SV2C: variants seen among roughly 807,000 people sequenced by gnomAD.
SV2C encodes the protein solute carrier family 22 member B3.
A neutral mutation model predicts 79.7 loss-of-function variants in SV2C; 49 were observed. That is an observed-to-expected ratio of 0.61 (90% CI 0.49 to 0.78). The LOEUF is 0.78. SV2C is among the 30% of genes least tolerant of loss of function. The probability of loss-of-function intolerance (pLI) is 0.00; values close to 1 mark genes in which losing one functional copy is unlikely to be tolerated. For missense variants in SV2C, 833 were observed against 912.9 expected, an observed-to-expected ratio of 0.91 and a Z score of 1.13; for synonymous variants, 334 against 333.2, an observed-to-expected ratio of 1.00 and a Z score of -0.03.
At chr5:76,201,830 A>G (rs1744450098) in intron 3 of SV2C, among the ~76,000 whole-genome samples, 1 of 152,020 alleles carries the variant, frequency 6.6e-6, no homozygotes, top group Non-Finnish European at 1.5e-5. Flanking sequence ...CATCCTGGCT[A>G]ACATGGTGAA....
At chr5:76,171,509 A>G (rs1305962621) in intron 2 of SV2C, among the ~76,000 whole-genome samples, 3 of 106,798 alleles carry the variant, frequency 2.8e-5, no homozygotes, top group South Asian at 3.5e-4. Flanking sequence ...CCTGGCAACC[A>G]CCCCGTCTGA....
At chr5:76,092,481 G>A (rs943099591) in intron 1 of SV2C, among the ~76,000 whole-genome samples, 3 of 152,158 alleles carry the variant, frequency 2.0e-5, no homozygotes, top group African/African-American at 7.2e-5. Flanking sequence ...GAATGAAAAA[G>A]GAACATGGCT....
At chr5:75,899,730 C>T in the SV2C span, among the ~76,000 whole-genome samples, 2 of 152,060 alleles carry the variant, frequency 1.3e-5, no homozygotes, top group African/African-American at 4.8e-5. Flanking sequence ...TCAGGACTTG[C>T]TTTATGAATC....
At chr5:75,915,880 G>C in the SV2C span, among the ~76,000 whole-genome samples, 3 of 152,142 alleles carry the variant, frequency 2.0e-5, no homozygotes, top group East Asian at 5.8e-4. Flanking sequence ...GGGACATTCT[G>C]AGCAGGAGAA....
At chr5:75,874,868 G>A in the SV2C span, among the ~76,000 whole-genome samples, 37 of 152,144 alleles carry the variant, frequency 2.4e-4, no homozygotes, top group Non-Finnish European at 4.4e-4. Flanking sequence ...AAAGGTCTCT[G>A]CAATGGGAAT....
At chr5:76,055,817 G>A in the SV2C span, among the ~76,000 whole-genome samples, 12 of 152,142 alleles carry the variant, frequency 7.9e-5, no homozygotes, top group East Asian at 1.9e-3. Context: ...TTGGTGAATA[G>A]GAATGCTTGT....
Position 76,131,890 on chromosome 5 carries a change from G to T in SV2C, c.140G>T (p.Ser47Ile), listed in dbSNP as rs1276109362. ...AQDEYTQRSYSRFQDEEDDDD... is the reference protein window; with the variant it reads ...AQDEYTQRSYIRFQDEEDDDD... Reference sequence around the variant, plus strand: ...GATGAATACACCCAGAGGTCCTACAGTCGGTTCCAAGATGAAGAAGATGAT... The same window carrying T: ...GATGAATACACCCAGAGGTCCTACATTCGGTTCCAAGATGAAGAAGATGAT... The change falls in exon 2 of 13, where the codon AGT (serine) becomes ATT (isoleucine). Residue 47 changes from serine to isoleucine, a missense_variant. Transcript: ENST00000502798. The T allele has an allele frequency of 6.2e-7, 1 of 1,614,118 alleles. No individual in the cohort carries two copies. The highest frequency in any genetic ancestry group is 2.2e-5 in the East Asian group (1 of 44,862).
chr5:75,852,739 T>C, the SV2C span, among the ~76,000 whole-genome samples: 1 of 146,786 alleles, frequency 6.8e-6, no homozygotes, highest in Non-Finnish European at 1.5e-5. Context: ...AGCAGGAGAA[T>C]GGCGTGAACC....
the SV2C span, among the ~76,000 whole-genome samples, chr5:75,993,894 G>C: frequency 6.6e-6 from 1 of 152,004 alleles, no homozygotes; most frequent in Admixed American, 6.6e-5. Context: ...TGGGCCAATA[G>C]CCAGAAATTG....
chr5:76,292,183 C>T (rs761967532), intron 8 of SV2C, among the ~76,000 whole-genome samples: 19 of 152,138 alleles, frequency 1.2e-4, no homozygotes, highest in African/African-American at 1.7e-4. Flanking sequence ...CATTCTAGAA[C>T]AGTTCCCATC....
At chr5:76,347,313 C>T (rs1749563039) in intron 12 of SV2C, among the ~76,000 whole-genome samples, 1 of 152,204 alleles carries the variant, frequency 6.6e-6, no homozygotes, top group Non-Finnish European at 1.5e-5. Flanking sequence ...TGGAGAGGGA[C>T]TAGGCTGTGA....
At chr5:76,042,950 A>G in the SV2C span, among the ~76,000 whole-genome samples, 1 of 152,144 alleles carries the variant, frequency 6.6e-6, no homozygotes, top group African/African-American at 2.4e-5. Flanking sequence ...TTGAACCTAG[A>G]TGGACTTTGA....
rs905588653 is a variant in SV2C, at chr5:76,332,717, T to C, written c.*7170T>C. ...TATACCATGGAAAGCAACAAAGCCA[T>C]GGAAAGCAACAAAGCCATGCAAATC... On this transcript the variant is annotated 3_prime_UTR_variant, in exon 13 of 13. Transcript: ENST00000502798. 4 of 152,132 alleles carry C rather than the reference T, an allele frequency of 2.6e-5. No individual in the cohort carries two copies. The highest frequency in any genetic ancestry group is 2.6e-4 in the Admixed American group (4 of 15,268). 9.4% of individuals were successfully genotyped at this position (152,132 alleles called of 1,614,324 possible).
the SV2C span, among the ~76,000 whole-genome samples, chr5:75,901,124 G>T: frequency 2.0e-5 from 3 of 152,186 alleles, no homozygotes; most frequent in East Asian, 5.8e-4. Flanking sequence ...TCCATTGCTG[G>T]TGAGGACCTG....
intron 2 of SV2C, among the ~76,000 whole-genome samples, chr5:76,190,787 A>T (rs1420243808): frequency 6.6e-6 from 1 of 152,204 alleles, no homozygotes; most frequent in Admixed American, 6.5e-5. Context: ...TAAAAAAATG[A>T]AGCATTATTT....
chr5:76,266,418 G>T (rs2112465597), intron 4 of SV2C, among the ~76,000 whole-genome samples: 1 of 152,222 alleles, frequency 6.6e-6, no homozygotes, highest in South Asian at 2.1e-4. Context: ...ATGTTGGCCA[G>T]GCTGGTCTCA....
chr5:75,957,907 T>C, the SV2C span, among the ~76,000 whole-genome samples: 1 of 152,018 alleles, frequency 6.6e-6, no homozygotes, highest in Non-Finnish European at 1.5e-5. Context: ...TAGGCATCTT[T>C]GGACTTTGGA....
chr5:76,271,616 C>CTTTTTTTTTTTTTTTTTTTTTTT (rs34458409), intron 4 of SV2C, among the ~76,000 whole-genome samples: 2 of 96,062 alleles, frequency 2.1e-5, no homozygotes, highest in Non-Finnish European at 2.0e-5. Flanking sequence ...AGCATGTGTT[C>CTTTTTTTTTTTTTTTTTTTTTTT]TTTTTTTTTT....
chr5:75,864,659 C>CTCAG, the SV2C span, among the ~76,000 whole-genome samples: 2 of 152,180 alleles, frequency 1.3e-5, no homozygotes, highest in African/African-American at 4.8e-5. Flanking sequence ...TGGTACTTCT[C>CTCAG]CATGCATGGA....
Sources: gnomAD v4.1 joint callset for allele counts (sites outside exome capture counted in the v4.1 genomes callset) on GRCh38, gnomAD v4.1.1 for gene constraint, MANE v1.5 for transcripts, NCBI Gene and HGNC (gene_info 2026-07-23, HGNC 2026-07-21) for gene names.